Variants in RIMBP2 observed in about 807,000 individuals in gnomAD.
RIMBP2 encodes the protein RIMS binding protein 2.
In RIMBP2, 48 loss-of-function variants were observed where a neutral mutation model predicts 118.6. The ratio of observed to expected loss-of-function variants is 0.40; its 90% CI spans 0.32 to 0.51. The LOEUF is 0.51. Ranked by LOEUF, RIMBP2 falls within the 20% of genes least tolerant of loss-of-function variation. RIMBP2 has a pLI of 0.41. For missense variants in RIMBP2, 1,551 were observed against 1,768.3 expected, an observed-to-expected ratio of 0.88 and a Z score of 2.20; for synonymous variants, 762 against 742.9, an observed-to-expected ratio of 1.03 and a Z score of -0.42.
chr12:130,549,532 C>T lies in RIMBP2; in HGVS notation c.-216-31615G>A, dbSNP rs112831591. Among the ~76,000 whole-genome samples, 1,513 of 152,228 alleles carry T rather than the reference C, an allele frequency of 9.9e-3. 25 individuals are homozygous for T. The highest frequency in any genetic ancestry group is 0.035 in the African/African-American group (1,437 of 41,530). On this transcript the variant is annotated intron_variant, in intron 2 of 22. Transcript: ENST00000690449. ...TCCCACCCTCCACCCTCCAGTAGGCCCCAGTGTCTGCTGTTCCCCTTTGTG... is the reference window on the plus strand; with the variant it reads ...TCCCACCCTCCACCCTCCAGTAGGCTCCAGTGTCTGCTGTTCCCCTTTGTG...
At chr12:130,630,211 C>T (rs985650296) in intron 1 of RIMBP2, among the ~76,000 whole-genome samples, 4 of 151,590 alleles carry the variant, frequency 2.6e-5, no homozygotes, top group Non-Finnish European at 5.9e-5. Flanking sequence ...TAACTTTTAC[C>T]AATAAGGTTT....
intron 4 of RIMBP2, among the ~76,000 whole-genome samples, chr12:130,480,640 A>G (rs1476539712): frequency 6.6e-6 from 1 of 152,038 alleles, no homozygotes; most frequent in African/African-American, 2.4e-5. Context: ...TTGCTCTGTC[A>G]CCCAGGCTGG....
intron 1 of RIMBP2, among the ~76,000 whole-genome samples, chr12:130,668,951 T>G (rs2064075876): frequency 6.6e-6 from 1 of 152,206 alleles, no homozygotes; most frequent in South Asian, 2.1e-4. Context: ...TTATACCTTT[T>G]GCAGACAACA....
At chr12:130,464,789 T>TCACTCACCCACACATTCCCCTAACA (rs2080312347) in intron 6 of RIMBP2, among the ~76,000 whole-genome samples, 2 of 152,258 alleles carry the variant, frequency 1.3e-5, no homozygotes, top group Admixed American at 6.5e-5. Flanking sequence ...GCCTGTGCCC[T>TCACTCACCCACACATTCCCCTAACA]CACTCACCCA....
chr12:130,456,399 G>T (rs1364960686), intron 7 of RIMBP2, 97 bp downstream of exon 7: 4 of 1,044,916 alleles, frequency 3.8e-6, no homozygotes, highest in Non-Finnish European at 5.5e-6. Flanking sequence ...CCCTCTGCCA[G>T]GTGTCACCAA....
intron 11 of RIMBP2, among the ~76,000 whole-genome samples, chr12:130,439,854 T>G (rs12819115): frequency 0.062 from 8,341 of 134,196 alleles, 617 homozygotes; most frequent in East Asian, 0.16. Context: ...TGTGAGTCTG[T>G]GGGGGTGTCT....
chr12:130,508,703 C>T (rs866778798), intron 3 of RIMBP2, among the ~76,000 whole-genome samples: 1 of 152,148 alleles, frequency 6.6e-6, no homozygotes, highest in South Asian at 2.1e-4. Context: ...TGTGGCTGCT[C>T]CTCATTGGAA....
chr12:130,456,670 G>T lies in RIMBP2; in HGVS notation c.184C>A (p.Arg62=), dbSNP rs373328136. 6.2e-7 allele frequency: 1 copy of T among 1,609,170 alleles called. No homozygotes were observed. The highest frequency in any genetic ancestry group is 1.3e-5 in the African/African-American group (1 of 74,988). The change falls in exon 7 of 23, where the codon CGG becomes AGG. Residue 62 remains arginine (R), a synonymous_variant. Transcript: ENST00000690449. ...SKVRELEEKC[R]TQSEQFNLLS... ...AGGTTGAACTGCTCACTTTGAGTCCGGCATTTCTCTTCCAGCTCTCGAACC... is the reference window on the plus strand; with the variant it reads ...AGGTTGAACTGCTCACTTTGAGTCCTGCATTTCTCTTCCAGCTCTCGAACC...
At chr12:130,713,635 C>A (rs1950123471) in intron 1 of RIMBP2, among the ~76,000 whole-genome samples, 1 of 152,348 alleles carries the variant, frequency 6.6e-6, no homozygotes. Flanking sequence ...GTTCCCAGCA[C>A]CACGCGGATT....
intron 2 of RIMBP2, among the ~76,000 whole-genome samples, chr12:130,618,507 T>A (rs2061098038): frequency 6.6e-6 from 1 of 152,032 alleles, no homozygotes; most frequent in African/African-American, 2.4e-5. Flanking sequence ...CCCTGAAACA[T>A]CCCGGTGTTC....
rs2061459719 is a variant in RIMBP2 at position 130,623,752 on chromosome 12, C to G, written c.-217+4570G>C. ...CTACATGCAGGGCAAGCAAGACATG[C>G]TGGAGCCTCCATGCACCTGCAAGAC... On this transcript the variant is annotated intron_variant, in intron 2 of 22. Transcript: ENST00000690449. This position sits in a 1 kb window ranked among gnomAD's most constrained non-coding sequence, Gnocchi z 4.1. Among the ~76,000 whole-genome samples the G allele has an allele frequency of 1.3e-5, 2 of 152,194 alleles. No homozygotes were observed. Among genetic ancestry groups the G allele is most frequent in the African/African-American group, 4.8e-5 (2 of 41,444 alleles).
intron 1 of RIMBP2, among the ~76,000 whole-genome samples, chr12:130,666,121 A>C (rs2063905064): frequency 1.3e-5 from 2 of 152,206 alleles, no homozygotes; most frequent in Non-Finnish European, 2.9e-5. Context: ...TAAGTGTGAA[A>C]TTATAGCAAA....
intron 2 of RIMBP2, among the ~76,000 whole-genome samples, chr12:130,605,720 T>C (rs2060143340): frequency 6.6e-6 from 1 of 152,228 alleles, no homozygotes; most frequent in South Asian, 2.1e-4. Flanking sequence ...TGGGGGTTCA[T>C]TGTGCTATTC....
At chr12:130,690,864 G>C (rs1005796979) in intron 1 of RIMBP2, among the ~76,000 whole-genome samples, 18 of 151,972 alleles carry the variant, frequency 1.2e-4, no homozygotes, top group Non-Finnish European at 4.4e-5. Flanking sequence ...GCCTGGTGAG[G>C]GACATCTTCC....
chr12:130,509,632 T>A (rs1034491397), intron 3 of RIMBP2, among the ~76,000 whole-genome samples: 3 of 152,102 alleles, frequency 2.0e-5, no homozygotes, highest in African/African-American at 7.2e-5. Flanking sequence ...TCCCACACCC[T>A]TCTCCCTGTA....
chr12:130,686,734 G>A (rs1407115109), intron 1 of RIMBP2, among the ~76,000 whole-genome samples: 1 of 152,226 alleles, frequency 6.6e-6, no homozygotes, highest in Non-Finnish European at 1.5e-5. Flanking sequence ...CCCTCGACAG[G>A]CGTGAGGGGC....
At chr12:130,464,086 G>C (rs6486541) in intron 6 of RIMBP2, among the ~76,000 whole-genome samples, 147,693 of 152,128 alleles carry the variant, frequency 0.97, 71,824 homozygotes, top group East Asian at 1. Context: ...ACCCTCCCCC[G>C]ACAAAAACTC....
At chr12:130,579,088 T>A (rs568886666) in intron 2 of RIMBP2, among the ~76,000 whole-genome samples, 1 of 152,302 alleles carries the variant, frequency 6.6e-6, no homozygotes, top group South Asian at 2.1e-4. Context: ...CGTAGCCTGT[T>A]GCTTCAGTTG....
At chr12:130,459,052 A>C (rs7485466) in intron 6 of RIMBP2, among the ~76,000 whole-genome samples, 906 of 15,546 alleles carry the variant, frequency 0.058, 19 homozygotes, top group Middle Eastern at 0.1. Context: ...CTCAAAAAAA[A>C]AAAAAAACAA....
Sources: allele counts gnomAD v4.1 joint callset (sites outside exome capture counted in the v4.1 genomes callset), GRCh38; gene constraint gnomAD v4.1.1; non-coding constraint Gnocchi (gnomAD v3.1); transcripts MANE v1.5; gene names NCBI Gene and HGNC (gene_info 2026-07-23, HGNC 2026-07-21).